NELL1: variants seen among roughly 807,000 people sequenced by gnomAD.
NELL1 encodes the protein protein kinase C-binding protein NELL1.
A neutral mutation model predicts 107.4 loss-of-function variants in NELL1; 76 were observed. That is an observed-to-expected ratio of 0.71 (90% CI 0.59 to 0.86). The LOEUF is 0.86. NELL1 is among the 40% of genes least tolerant of loss of function. The pLI is 0.00. For missense variants in NELL1, 1,024 were observed against 1,005.5 expected, an observed-to-expected ratio of 1.02 and a Z score of -0.25; for synonymous variants, 353 against 341.2, an observed-to-expected ratio of 1.03 and a Z score of -0.38.
intron 12 of NELL1, among the ~76,000 whole-genome samples, chr11:21,109,986 T>C (rs1327884043): frequency 6.6e-6 from 1 of 152,030 alleles, no homozygotes; most frequent in African/African-American, 2.4e-5. Flanking sequence ...ACCGTGAGAG[T>C]TGCCAATTTC....
chr11:21,094,840 G>A (rs1303640097), intron 12 of NELL1, among the ~76,000 whole-genome samples: 1 of 152,206 alleles, frequency 6.6e-6, no homozygotes, highest in Non-Finnish European at 1.5e-5. Flanking sequence ...GCCTGTGATG[G>A]AAGGGGTTGC....
chr11:21,337,735 C>CCTTTCTTTCTTCCTTTCTTT, intron 14 of NELL1, among the ~76,000 whole-genome samples: 1 of 105,378 alleles, frequency 9.5e-6, no homozygotes, highest in African/African-American at 3.7e-5. Flanking sequence ...TTCTTTCTTT[C>CCTTTCTTTCTTCCTTTCTTT]CTTTCTTTCT....
chr11:21,169,267 T>C lies in NELL1; in HGVS notation c.1426+55553T>C, dbSNP rs1324393587. Among the ~76,000 whole-genome samples the C allele has an allele frequency of 4.0e-5, 6 of 151,856 alleles. 1 individual carries two copies. Among genetic ancestry groups the C allele is most frequent in the African/African-American group, 1.5e-4 (6 of 41,134 alleles). ...GTTTAGGGTTCCACACAGGGTACTC[T>C]CCTGTTTTATTCTAAAGACCTAAGG... On this transcript the variant is annotated intron_variant, in intron 13 of 19. Coordinates refer to ENST00000357134, the MANE Select transcript of NELL1 (RefSeq NM_006157.5).
intron 15 of NELL1, among the ~76,000 whole-genome samples, chr11:21,514,919 G>A (rs1249609043): frequency 6.6e-6 from 1 of 152,158 alleles, no homozygotes; most frequent in African/African-American, 2.4e-5. Flanking sequence ...GAGTTGGGTG[G>A]GGTAGGTGAT....
intron 2 of NELL1, chr11:20,771,011 A>T (rs1409827041): frequency 6.6e-6 from 1 of 150,696 alleles, no homozygotes; most frequent in East Asian, 2.0e-4. Flanking sequence ...AGACCCCTCT[A>T]GCTTCCCCCC....
intron 16 of NELL1, among the ~76,000 whole-genome samples, chr11:21,536,663 T>G (rs988914001): frequency 1.6e-4 from 25 of 152,154 alleles, no homozygotes; most frequent in African/African-American, 5.3e-4. Context: ...CTTTGGTGGT[T>G]GTTGTTTAAT....
intron 13 of NELL1, among the ~76,000 whole-genome samples, chr11:21,136,668 G>A (rs1276581848): frequency 2.6e-5 from 4 of 152,146 alleles, no homozygotes; most frequent in South Asian, 2.1e-4. Flanking sequence ...ATCTCTAAGT[G>A]CAAAAGAAGT....
chr11:21,461,653 A>G (rs1445961121), intron 15 of NELL1, among the ~76,000 whole-genome samples: 1 of 152,112 alleles, frequency 6.6e-6, no homozygotes, highest in South Asian at 2.1e-4. Flanking sequence ...TTTGAAGGCC[A>G]GTATTATCAT....
chr11:21,018,149 G>A (rs1286320379), intron 12 of NELL1, among the ~76,000 whole-genome samples: 2 of 152,036 alleles, frequency 1.3e-5, no homozygotes, highest in Non-Finnish European at 2.9e-5. Context: ...ACATATTTGT[G>A]TATTTGTATT....
chr11:21,522,834 CTTTTTTTTTTT>C (rs66707466), intron 15 of NELL1, among the ~76,000 whole-genome samples: 2 of 68,438 alleles, frequency 2.9e-5, no homozygotes, highest in African/African-American at 1.2e-4. Context: ...TTTTTCTTTT[CTTTTTTTTTTT>C]TTTTTTTTTT....
At position 20,937,847 on chromosome 11, in the gene NELL1, T is replaced by C. The variant is rs1850759438; in HGVS notation, c.1059T>C (p.Cys353=). 1.9e-6 allele frequency: 3 copies of C among 1,613,912 alleles called. No homozygotes were observed. The highest frequency in any genetic ancestry group is 1.3e-5 in the African/African-American group (1 of 74,924). The change falls in exon 10 of 20, where the codon TGT becomes TGC. Residue 353 remains cysteine, a synonymous_variant. Coordinates refer to ENST00000357134, the MANE Select transcript of NELL1 (RefSeq NM_006157.5). ...AEGQRILTKS[C]RECRGGVLVK... ...GCCAGCGGATTTTAACCAAGAGCTG[T>C]CGGGAATGCCGAGTAAGTGTTAATT...
intron 14 of NELL1, among the ~76,000 whole-genome samples, chr11:21,249,571 C>G (rs1474753820): frequency 6.6e-6 from 1 of 151,902 alleles, no homozygotes; most frequent in African/African-American, 2.4e-5. Flanking sequence ...AAAAACAATG[C>G]AATTTTTAAA....
intron 2 of NELL1, among the ~76,000 whole-genome samples, chr11:20,706,407 C>G (rs1160491975): frequency 6.6e-6 from 1 of 151,306 alleles, no homozygotes; most frequent in Non-Finnish European, 1.5e-5. Flanking sequence ...TCTCAGCAAA[C>G]TATCACAAGG....
At chr11:20,860,822 G>A (rs2134073195) in intron 4 of NELL1, among the ~76,000 whole-genome samples, 1 of 152,308 alleles carries the variant, frequency 6.6e-6, no homozygotes, top group East Asian at 1.9e-4. Context: ...GCATGAAGGA[G>A]TGGAGGAGAA....
chr11:21,355,689 G>A (rs1440928991), intron 14 of NELL1, among the ~76,000 whole-genome samples: 1 of 152,220 alleles, frequency 6.6e-6, no homozygotes, highest in Non-Finnish European at 1.5e-5. Context: ...TCACTCCTAA[G>A]TTCTTGGTGA....
intron 2 of NELL1, among the ~76,000 whole-genome samples, chr11:20,768,725 G>A (rs1189407664): frequency 6.6e-6 from 1 of 152,168 alleles, no homozygotes; most frequent in Admixed American, 6.5e-5. Context: ...AAGATTCTAT[G>A]CTGCTTGTGT....
chr11:21,315,248 A>T (rs953930435), intron 14 of NELL1, among the ~76,000 whole-genome samples: 3 of 152,210 alleles, frequency 2.0e-5, no homozygotes, highest in African/African-American at 7.2e-5. Flanking sequence ...AGAAATAGAT[A>T]AGAGAAACCT....
At chr11:20,690,947 C>G (rs1315862540) in intron 2 of NELL1, among the ~76,000 whole-genome samples, 1 of 152,100 alleles carries the variant, frequency 6.6e-6, no homozygotes, top group African/African-American at 2.4e-5. Flanking sequence ...TTTGTGTCCT[C>G]TTTTGTTTCA....
At chr11:20,998,084 ATCT>A (rs1383128560) in intron 12 of NELL1, among the ~76,000 whole-genome samples, 9 of 152,236 alleles carry the variant, frequency 5.9e-5, no homozygotes, top group Non-Finnish European at 1.0e-4. Context: ...TCTTGTTACA[ATCT>A]TCTTAAAATT....
Sources: allele counts gnomAD v4.1 joint callset (sites outside exome capture counted in the v4.1 genomes callset), GRCh38; gene constraint gnomAD v4.1.1; transcripts MANE v1.5; gene names NCBI Gene and HGNC (gene_info 2026-07-23, HGNC 2026-07-21).